The following NLE1 variants were observed in gnomAD, a reference collection of about 807,000 sequenced individuals.
NLE1 encodes notchless homolog 1, also known as notchless protein homolog 1.
Under a neutral mutation model 62.8 loss-of-function variants are expected in NLE1, and 37 were observed. The observed-to-expected ratio is 0.59, with a 90% CI of 0.45 to 0.78. NLE1 has a LOEUF of 0.78. NLE1 is among the 30% of genes least tolerant of loss of function. The probability of loss-of-function intolerance (pLI) is 0.00; values close to 1 mark genes in which losing one functional copy is unlikely to be tolerated. For synonymous variants in NLE1, 243 were observed against 253.0 expected, an observed-to-expected ratio of 0.96 and a Z score of 0.37; for missense variants, 555 against 637.9, an observed-to-expected ratio of 0.87 and a Z score of 1.40.
Position 35,131,322 on chromosome 17 carries a change from T to A in NLE1, c.*1115A>T, listed in dbSNP as rs1331379411. ...CAAAACCCAAAAGCACAGACAAGGGTGGAGGAGGGTAAGAAGGAGCAAGAT... is the reference window on the plus strand; with the variant it reads ...CAAAACCCAAAAGCACAGACAAGGGAGGAGGAGGGTAAGAAGGAGCAAGAT... On this transcript the variant is annotated 3_prime_UTR_variant, in exon 13 of 13. Coordinates refer to ENST00000442241, the MANE Select transcript of NLE1 (RefSeq NM_018096.5). 6.6e-6 allele frequency: 1 copy of A among 152,020 alleles called. No individual in the cohort carries two copies. The highest frequency in any genetic ancestry group is 1.5e-5 in the Non-Finnish European group (1 of 68,118). The allele number at this position is 152,020 out of a possible 1,614,324, so 9.4% of individuals were successfully genotyped here.
In NLE1 at chr17:35,135,529, T is replaced by A. The variant is rs1042285825; in HGVS notation, c.1012-78A>T. 4 of 1,270,770 alleles carry A rather than the reference T, an allele frequency of 3.1e-6. No individual in the cohort carries two copies. The African/African-American group carries it at 4.4e-5, about 14-fold the overall frequency. The allele number at this position is 1,270,770 out of a possible 1,614,324, so 78.7% of individuals were successfully genotyped here. A position where few individuals can be genotyped will look rare whatever the true frequency, so the allele number is the denominator to read the frequency against. The stretch of plus-strand genomic sequence containing the variant: ...GAGGGCCCGACTTTGGCAGCAAGCA[T>A]ACACCCTGATTACTCAATGCCAGGG... On this transcript the variant is annotated intron_variant, in intron 9 of 12. Transcript: ENST00000442241.
At position 35,142,097 on chromosome 17, in the gene NLE1, T is replaced by G; in HGVS notation, c.44A>C (p.Gln15Pro). The G allele has an allele frequency of 1.9e-6, 3 of 1,612,260 alleles. No homozygotes were observed. In the South Asian group the frequency reaches 3.3e-5, roughly 18 times the overall value. ...VPDEAVARDV[Q>P]RLLVQFQDEG... ...ATCCTGGAACTGCACTAGCAACCGC[T>G]GCACATCGCGCGCCACCGCCTCGTC... Residue 15 changes from glutamine to proline, a missense_variant, in exon 2 of 13, where the codon CAG becomes CCG. Coordinates refer to ENST00000442241, the MANE Select transcript of NLE1 (RefSeq NM_018096.5).
Position 35,133,325 on chromosome 17 carries a change from AGGGTTGGCCCT to A in NLE1, c.1374+3_1374+13del. On this transcript the variant is annotated splice_donor_5th_base_variant and intron_variant, in intron 11 of 12. Coordinates refer to ENST00000442241, the MANE Select transcript of NLE1 (RefSeq NM_018096.5). ...CCAATCCCAGTCCCTCCTTTGCCTG[AGGGTTGGCCCT>A]ACCTCATCCGCGTGGCCGGGCAGGT... 6.2e-7 allele frequency: 1 copy of A among 1,614,158 alleles called. No individual in the cohort carries two copies. Among genetic ancestry groups the A allele is most frequent in the African/African-American group, 1.3e-5 (1 of 75,034 alleles).
In NLE1 at chr17:35,136,428, CAT is replaced by C. The variant is rs1041723277; in HGVS notation, c.896_897del (p.Tyr299CysfsTer8). On this transcript the variant is annotated frameshift_variant, in exon 8 of 13. Transcript: ENST00000442241. LOFTEE classifies it high-confidence loss of function. Reference sequence around the variant, plus strand: ...GGTTCAAAGGCCCCAGTGCGCAGGGCATAGTCAGTGCTGAGGGCCATGGTGTT... The same window carrying C: ...GGTTCAAAGGCCCCAGTGCGCAGGGCAGTCAGTGCTGAGGGCCATGGTGTT... Reference protein sequence around the residue: ...WVNTMALSTDYALRTGAFEPA... With the variant: ...WVNTMALSTDXALRTGAFEPA... 1.9e-6 allele frequency: 3 copies of C among 1,614,048 alleles called. No homozygotes were observed. The African/African-American group carries it at 4.0e-5, about 22-fold the overall frequency.
chr17:35,129,911 A>G lies in NLE1; in HGVS notation c.*2526T>C, dbSNP rs1597885234. On this transcript the variant is annotated 3_prime_UTR_variant, in exon 13 of 13. Coordinates refer to ENST00000442241, the MANE Select transcript of NLE1 (RefSeq NM_018096.5). The stretch of plus-strand genomic sequence containing the variant: ...ACTATAATGTTCCCCTTCCAAAGCC[A>G]TTGGTTTTTAGACTCTGCAATTCAG... The G allele has an allele frequency of 7.2e-7, 1 of 1,392,496 alleles. No homozygotes were observed. The highest frequency in any genetic ancestry group is 1.6e-5 in the South Asian group (1 of 62,620). The allele number at this position is 1,392,496 out of a possible 1,614,324, so 86.3% of individuals were successfully genotyped here. A position where few individuals can be genotyped will look rare whatever the true frequency, so the allele number is the denominator to read the frequency against.
In NLE1 at chr17:35,129,696, G is replaced by A. The variant is rs201421017; in HGVS notation, c.*2741C>T. The A allele has an allele frequency of 2.5e-6, 4 of 1,600,038 alleles. No homozygotes were observed. The African/African-American group carries it at 5.4e-5, about 21-fold the overall frequency. ...AAAAGAGGGGCCTTGGGGGTGGAGA[G>A]AAGTCCAAAGCCAGGGAACCAGGGC... On this transcript the variant is annotated 3_prime_UTR_variant, in exon 13 of 13. Coordinates refer to ENST00000442241, the MANE Select transcript of NLE1 (RefSeq NM_018096.5).
intron 3 of NLE1, 100 bp downstream of exon 3, chr17:35,139,749 C>T (rs1453902996): frequency 2.0e-6 from 3 of 1,502,070 alleles, no homozygotes; most frequent in South Asian, 1.3e-5. Flanking sequence ...TGGTAGGCAG[C>T]CCTGAGGCCC....
chr17:35,129,713 A>T lies in NLE1; in HGVS notation c.*2724T>A. The T allele has an allele frequency of 6.3e-7, 1 of 1,582,914 alleles. No individual in the cohort carries two copies. The highest frequency in any genetic ancestry group is 8.6e-7 in the Non-Finnish European group (1 of 1,165,124). On this transcript the variant is annotated 3_prime_UTR_variant, in exon 13 of 13. Coordinates refer to ENST00000442241, the MANE Select transcript of NLE1 (RefSeq NM_018096.5). ...GGTGGAGAGAAGTCCAAAGCCAGGG[A>T]ACCAGGGCTTTGGAGGTTGGGAACA...
chr17:35,141,939 C>CG (rs756464708), intron 2 of NLE1, 40 bp downstream of exon 2: 56 of 1,539,584 alleles, frequency 3.6e-5, no homozygotes, highest in Non-Finnish European at 4.8e-5. Flanking sequence ...CGCATCCGCC[C>CG]GGGGGTGGAG....
chr17:35,134,007 C>T (rs553711839), intron 10 of NLE1, among the ~76,000 whole-genome samples: 6 of 152,182 alleles, frequency 3.9e-5, no homozygotes, highest in Admixed American at 6.5e-5. Context: ...ACGTCACTAA[C>T]GCAGAGGTCC....
In NLE1 at chr17:35,130,570, C is replaced by T. The variant is rs561026966; in HGVS notation, c.*1867G>A. The T allele has an allele frequency of 1.9e-5, 18 of 937,110 alleles. No homozygotes were observed. Among genetic ancestry groups the T allele is most frequent in the South Asian group, 1.9e-4 (11 of 57,996 alleles). The allele number at this position is 937,110 out of a possible 1,614,324, so 58.0% of individuals were successfully genotyped here. A position where few individuals can be genotyped will look rare whatever the true frequency, so the allele number is the denominator to read the frequency against. Reference sequence around the variant, plus strand: ...TGGCAGAGTGGTATGGGCACCCCACCCCTGGGCTGGGGCCAAGGCTACATA... The same window carrying T: ...TGGCAGAGTGGTATGGGCACCCCACTCCTGGGCTGGGGCCAAGGCTACATA... On this transcript the variant is annotated 3_prime_UTR_variant, in exon 13 of 13. Transcript: ENST00000442241.
chr17:35,129,115 T>G lies in NLE1; in HGVS notation c.*3322A>C. Reference sequence around the variant, plus strand: ...CCACCAATCTCCTCCTGCTGTGCTATCCAGTTCCTAACAGGCCATGGACTG... The same window carrying G: ...CCACCAATCTCCTCCTGCTGTGCTAGCCAGTTCCTAACAGGCCATGGACTG... On this transcript the variant is annotated 3_prime_UTR_variant, in exon 13 of 13. Coordinates refer to ENST00000442241, the MANE Select transcript of NLE1 (RefSeq NM_018096.5). The G allele has an allele frequency of 3.3e-6, 1 of 304,470 alleles. No homozygotes were observed. The highest frequency in any genetic ancestry group is 6.3e-6 in the Non-Finnish European group (1 of 159,016). 18.9% of individuals were successfully genotyped at this position (304,470 alleles called of 1,614,324 possible).
At chr17:35,135,511 C>A in intron 9 of NLE1, 60 bp from the exon 10 acceptor site, 1 of 1,505,318 alleles carries the variant, frequency 6.6e-7, no homozygotes, top group East Asian at 2.3e-5. Flanking sequence ...GAGGAGGGCC[C>A]GACTTTGGCA....
Position 35,129,993 on chromosome 17 carries a change from C to T in NLE1, c.*2444G>A. On this transcript the variant is annotated 3_prime_UTR_variant, in exon 13 of 13. Coordinates refer to ENST00000442241, the MANE Select transcript of NLE1 (RefSeq NM_018096.5). ...AGGGCATTGAAAGAAATAGGGAAGA[C>T]AAGAGGCTAAAGGGGGACGAAGAAG... 7 of 1,372,676 alleles carry T rather than the reference C, an allele frequency of 5.1e-6. No homozygotes were observed. Among genetic ancestry groups the T allele is most frequent in the Non-Finnish European group, 6.6e-6 (7 of 1,064,538 alleles). 85.0% of individuals were successfully genotyped at this position (1,372,676 alleles called of 1,614,324 possible).
At position 35,132,341 on chromosome 17, in the gene NLE1, G is replaced by T; in HGVS notation, c.*96C>A. 9.0e-7 allele frequency: 1 copy of T among 1,111,694 alleles called. No homozygotes were observed. The highest frequency in any genetic ancestry group is 1.2e-6 in the Non-Finnish European group (1 of 819,188). The allele number at this position is 1,111,694 out of a possible 1,614,324, so 68.9% of individuals were successfully genotyped here. ...TCTCAGGTCCCCACTGGTGGGGAGGGTGTGTGCACTGCCATCTCAGCCTTT... is the reference window on the plus strand; with the variant it reads ...TCTCAGGTCCCCACTGGTGGGGAGGTTGTGTGCACTGCCATCTCAGCCTTT... On this transcript the variant is annotated 3_prime_UTR_variant, in exon 13 of 13. Coordinates refer to ENST00000442241, the MANE Select transcript of NLE1 (RefSeq NM_018096.5).
intron 7 of NLE1, 37 bp downstream of exon 7, chr17:35,136,964 T>C: frequency 6.5e-7 from 1 of 1,544,890 alleles, no homozygotes; most frequent in Non-Finnish European, 8.8e-7. Context: ...TGACTTGCGA[T>C]TTTCTGGACT....
chr17:35,136,600 T>G (rs2091910431), intron 7 of NLE1, 103 bp from the exon 8 acceptor site: 1 of 1,388,730 alleles, frequency 7.2e-7, no homozygotes, highest in Non-Finnish European at 9.8e-7. Flanking sequence ...TCATCACTCA[T>G]GCATTGTGAT....
At chr17:35,135,035 C>G (rs572128446) in intron 10 of NLE1, 2 of 652,582 alleles carry the variant, frequency 3.1e-6, no homozygotes, top group South Asian at 3.0e-5. Flanking sequence ...CACTTGAACA[C>G]CAGGTGACAG....
At chr17:35,141,910 G>T in intron 2 of NLE1, 69 bp downstream of exon 2, 1 of 1,492,702 alleles carries the variant, frequency 6.7e-7, no homozygotes. Flanking sequence ...GCAGACCCTC[G>T]GTAATATGAT....
Sources: allele counts gnomAD v4.1 joint callset (sites outside exome capture counted in the v4.1 genomes callset), GRCh38; gene constraint gnomAD v4.1.1; transcripts MANE v1.5; gene names NCBI Gene and HGNC (gene_info 2026-07-23, HGNC 2026-07-21).